DNAH14: variants seen among roughly 807,000 people sequenced by gnomAD.
DNAH14 encodes dynein axonemal heavy chain 14.
In DNAH14, 478 loss-of-function variants were observed where a neutral mutation model predicts 520.9. That is an observed-to-expected ratio of 0.92 (90% confidence interval 0.85 to 0.99). The LOEUF (loss-of-function observed/expected upper bound fraction) is 0.99, where lower values mean the gene tolerates loss of function less well. Among genes scored for constraint, DNAH14 ranks in the 50% least tolerant of loss-of-function variants. The pLI is 0.00. For missense variants in DNAH14, 4,831 were observed against 5,234.5 expected (o/e 0.92, Z 2.38); for synonymous variants, 1,581 against 1,757.2 (o/e 0.90, Z 2.51).
chr1:225,111,077 G>C (rs2076439731), intron 23 of DNAH14, among the ~76,000 whole-genome samples: 2 of 152,032 alleles, frequency 1.3e-5, no homozygotes, highest in South Asian at 4.1e-4. Context: ...GGGCTGAGTA[G>C]AATGTGCATC....
At chr1:224,967,770 AT>A (rs2061275661) in intron 6 of DNAH14, 187 bp downstream of exon 6, 1 of 1,485,776 alleles carries the variant, frequency 6.7e-7, no homozygotes, top group Admixed American at 2.6e-5. Context: ...TTGTGTAGAG[AT>A]TTAGGTTTGA....
intron 1 of DNAH14, among the ~76,000 whole-genome samples, chr1:224,951,618 T>G (rs1311731691): frequency 6.6e-6 from 1 of 151,564 alleles, no homozygotes; most frequent in African/African-American, 2.4e-5. Context: ...AGTTGTCAGC[T>G]TCATACCTAC....
rs920213484 is a variant in DNAH14, at chr1:225,298,450, G to C, written c.8470-2419G>C. ...AGGGTCACCCTAAATGGGACTGCCA[G>C]ATTATTCCCCTGACTAAAAGTGCAG... On this transcript the variant is annotated intron_variant, in intron 55 of 85. Coordinates refer to ENST00000682510, the MANE Select transcript of DNAH14 (RefSeq NM_001367479.1). Among the ~76,000 whole-genome samples the C allele has an allele frequency of 4.6e-5, 7 of 152,332 alleles. No homozygotes were observed. In the South Asian group the frequency reaches 1.4e-3, roughly 32 times the overall value.
chr1:224,955,243 A>T, intron 3 of DNAH14, 145 bp downstream of exon 3: 1 of 815,266 alleles, frequency 1.2e-6, no homozygotes, highest in South Asian at 1.6e-5. Context: ...CATTAGTTAT[A>T]GCAGTTAGCA....
Position 225,086,258 on chromosome 1 carries a change from G to A in DNAH14, c.3573+469G>A, listed in dbSNP as rs1386659586. Reference sequence around the variant, plus strand: ...CGCCATTCTCCTGCCTCAGCCTCCCGAGTAGCTGGGACTACAGGTGCCCGC... The same window carrying A: ...CGCCATTCTCCTGCCTCAGCCTCCCAAGTAGCTGGGACTACAGGTGCCCGC... On this transcript the variant is annotated intron_variant, in intron 21 of 85. Coordinates refer to ENST00000682510, the MANE Select transcript of DNAH14 (RefSeq NM_001367479.1). Among the ~76,000 whole-genome samples, 14 of 151,352 alleles carry A rather than the reference G, an allele frequency of 9.2e-5. No homozygotes were observed. The East Asian group carries it at 9.7e-4, about 11-fold the overall frequency.
chr1:225,174,145 A>G (rs1257081531), intron 36 of DNAH14, among the ~76,000 whole-genome samples: 1 of 152,162 alleles, frequency 6.6e-6, no homozygotes, highest in Non-Finnish European at 1.5e-5. Context: ...TAGCATTAGG[A>G]GATATACCTA....
chr1:225,218,678 C>G (rs535283016), intron 41 of DNAH14, among the ~76,000 whole-genome samples: 3 of 151,190 alleles, frequency 2.0e-5, no homozygotes, highest in Non-Finnish European at 4.4e-5. Context: ...TCTTAGAGAC[C>G]GACAAACAGA....
intron 42 of DNAH14, 76 bp from the exon 43 acceptor site, chr1:225,240,517 T>C: frequency 1.1e-6 from 1 of 873,360 alleles, no homozygotes; most frequent in Middle Eastern, 3.5e-4. Flanking sequence ...TTTAACATTA[T>C]ATTAAAGTAA....
At chr1:225,037,665 A>G (rs2067093368) in intron 11 of DNAH14, among the ~76,000 whole-genome samples, 1 of 134,472 alleles carries the variant, frequency 7.4e-6, no homozygotes, top group African/African-American at 2.6e-5. Context: ...CATCACCGTT[A>G]CAGTGTTATA....
intron 57 of DNAH14, among the ~76,000 whole-genome samples, chr1:225,304,059 C>T (rs117170159): frequency 1.3e-5 from 2 of 152,250 alleles, no homozygotes; most frequent in East Asian, 1.9e-4. Flanking sequence ...ACTGGTTAGA[C>T]TTGGTGGACT....
At chr1:225,027,240 A>C (rs185413015) in intron 11 of DNAH14, among the ~76,000 whole-genome samples, 1 of 152,136 alleles carries the variant, frequency 6.6e-6, no homozygotes, top group South Asian at 2.1e-4. Flanking sequence ...GATACCTTTT[A>C]TTTCTTTTTA....
At chr1:225,156,361 G>T (rs1226061996) in intron 34 of DNAH14, among the ~76,000 whole-genome samples, 1 of 152,254 alleles carries the variant, frequency 6.6e-6, no homozygotes, top group Middle Eastern at 3.4e-3. Context: ...CATCCAGGTT[G>T]TGGGCAGGGT....
rs543417251 is a variant in DNAH14 at position 225,364,776 on chromosome 1, A to T, written c.11988-16A>T. 2 of 1,495,464 alleles carry T rather than the reference A, an allele frequency of 1.3e-6. No individual in the cohort carries two copies. The highest frequency in any genetic ancestry group is 1.8e-6 in the Non-Finnish European group (2 of 1,119,070). 92.6% of individuals were successfully genotyped at this position (1,495,464 alleles called of 1,614,324 possible). On this transcript the variant is annotated splice_polypyrimidine_tract_variant and intron_variant, in intron 75 of 85. Coordinates refer to ENST00000682510, the MANE Select transcript of DNAH14 (RefSeq NM_001367479.1). ...ATTTTTCACATTAAAATATTTATAAATTTTTTATTTTGCAGTTTTAATAGT... is the reference window on the plus strand; with the variant it reads ...ATTTTTCACATTAAAATATTTATAATTTTTTTATTTTGCAGTTTTAATAGT...
chr1:225,057,414 T>A (rs1360520308), intron 17 of DNAH14, among the ~76,000 whole-genome samples: 1 of 152,202 alleles, frequency 6.6e-6, no homozygotes, highest in Non-Finnish European at 1.5e-5. Context: ...CCTATCAGCT[T>A]AAGGAGATTT....
In DNAH14 at chr1:225,308,140, C is replaced by G; in HGVS notation, c.9115-145C>G. ...CTCCATTTTATTCATCTCTTGCTGT[C>G]TCTCATTTTATGAATCTATTAAATA... On this transcript the variant is annotated intron_variant, in intron 59 of 85. Coordinates refer to ENST00000682510, the MANE Select transcript of DNAH14 (RefSeq NM_001367479.1). 4 of 887,676 alleles carry G rather than the reference C, an allele frequency of 4.5e-6. No individual in the cohort carries two copies. The South Asian group carries it at 7.6e-5, about 17-fold the overall frequency. The allele number at this position is 887,676 out of a possible 1,614,324, so 55.0% of individuals were successfully genotyped here.
intron 44 of DNAH14, 32 bp from the exon 45 acceptor site, chr1:225,257,928 C>A: frequency 6.7e-7 from 1 of 1,487,856 alleles, no homozygotes; most frequent in South Asian, 1.3e-5. Flanking sequence ...CTTTCTAGGT[C>A]ATTTGAAACT....
chr1:225,148,798 T>G (rs1441104068), intron 31 of DNAH14, among the ~76,000 whole-genome samples: 1 of 152,176 alleles, frequency 6.6e-6, no homozygotes, highest in African/African-American at 2.4e-5. Flanking sequence ...AGTTGTTTGT[T>G]TTTGCTTGTA....
rs896086193 is a variant in DNAH14 at position 225,182,527 on chromosome 1, A to G, written c.5536-2764A>G. Among the ~76,000 whole-genome samples the G allele has an allele frequency of 2.6e-5, 4 of 152,178 alleles. No individual in the cohort carries two copies. The South Asian group carries it at 6.2e-4, about 24-fold the overall frequency. ...CGAGAGCTAAATAATTAGTTGAGAG[A>G]TCAGAGTACCTAATTTTACCATAAT... On this transcript the variant is annotated intron_variant, in intron 36 of 85. Coordinates refer to ENST00000682510, the MANE Select transcript of DNAH14 (RefSeq NM_001367479.1).
Position 225,266,696 on chromosome 1 carries a change from A to C in DNAH14, c.7466A>C (p.Gln2489Pro). ...CCAGTATCAGATATGTATGGAGCAC[A>C]GCCACCCCTGGAATTGATAAGACAA... ...NMPVSDMYGAQPPLELIRQLL... is the reference protein window; with the variant it reads ...NMPVSDMYGAPPPLELIRQLL... Residue 2489 changes from glutamine (Q) to proline (P), a missense_variant, in exon 49 of 86, where the codon CAG (glutamine) becomes CCG (proline). Physicochemically the swap from Gln to Pro is moderately conservative, Grantham distance 76. Coordinates refer to ENST00000682510, the MANE Select transcript of DNAH14 (RefSeq NM_001367479.1). 6.6e-7 allele frequency: 1 copy of C among 1,521,332 alleles called. No homozygotes were observed. 94.2% of individuals were successfully genotyped at this position (1,521,332 alleles called of 1,614,324 possible).
Sources: allele counts gnomAD v4.1 joint callset (sites outside exome capture counted in the v4.1 genomes callset), GRCh38; gene constraint gnomAD v4.1.1; transcripts MANE v1.5; gene names NCBI Gene and HGNC (gene_info 2026-07-23, HGNC 2026-07-21).